The following RALGAPA2 variants were observed in gnomAD, a reference collection of about 807,000 sequenced individuals.
RALGAPA2 encodes the protein ral GTPase-activating protein subunit alpha-2.
RALGAPA2 carries 139 observed loss-of-function variants against 230.4 expected under a neutral mutation model. That is an observed-to-expected ratio of 0.60 (90% CI 0.53 to 0.69). The LOEUF is 0.69. Among genes scored for constraint, RALGAPA2 ranks in the 30% least tolerant of loss-of-function variants. The pLI is 0.00. For missense variants in RALGAPA2, 2,163 were observed against 2,276.0 expected (o/e 0.95, Z 1.01); for synonymous variants, 847 against 837.8 (o/e 1.01, Z -0.19).
intron 24 of RALGAPA2, among the ~76,000 whole-genome samples, chr20:20,538,445 G>A (rs1290863746): frequency 6.6e-6 from 1 of 152,200 alleles, no homozygotes; most frequent in Non-Finnish European, 1.5e-5. Flanking sequence ...CCCAAAGTAT[G>A]TTCCACTAGG....
chr20:20,632,192 T>A (rs1195444713), intron 9 of RALGAPA2, among the ~76,000 whole-genome samples: 2 of 151,876 alleles, frequency 1.3e-5, no homozygotes, highest in Non-Finnish European at 2.9e-5. Flanking sequence ...GCCCAGCTAA[T>A]TTTTTTGTAT....
At chr20:20,465,204 C>CTCTCA in intron 37 of RALGAPA2, among the ~76,000 whole-genome samples, 1 of 151,542 alleles carries the variant, frequency 6.6e-6, no homozygotes, top group South Asian at 2.1e-4. Context: ...CACACTCTCT[C>CTCTCA]ATACTAGGGG....
At chr20:20,435,702 G>T (rs1458696803) in intron 37 of RALGAPA2, among the ~76,000 whole-genome samples, 1 of 152,184 alleles carries the variant, frequency 6.6e-6, no homozygotes, top group Non-Finnish European at 1.5e-5. Flanking sequence ...AAGGAGGCAG[G>T]CTGATGCTGC....
At chr20:20,689,083 A>T (rs767836735) in intron 1 of RALGAPA2, among the ~76,000 whole-genome samples, 1 of 152,250 alleles carries the variant, frequency 6.6e-6, no homozygotes, top group South Asian at 2.1e-4. Flanking sequence ...ACCATCTATT[A>T]TATAAAAGTC....
chr20:20,505,145 T>C, intron 34 of RALGAPA2: 1 of 985,470 alleles, frequency 1.0e-6, no homozygotes, highest in Non-Finnish European at 1.2e-6. Context: ...ACTGTCTATG[T>C]CTGGGAGAGC....
chr20:20,639,699 T>C, intron 7 of RALGAPA2, 86 bp downstream of exon 7: 2 of 933,816 alleles, frequency 2.1e-6, no homozygotes, highest in South Asian at 3.0e-5. Flanking sequence ...AGGAAAAATA[T>C]AGATACACAG....
At chr20:20,505,328 T>G in intron 34 of RALGAPA2, 83 bp downstream of exon 34, 1 of 1,330,644 alleles carries the variant, frequency 7.5e-7, no homozygotes, top group Non-Finnish European at 9.8e-7. Flanking sequence ...CAAAAGCACA[T>G]GTAAAAACTT....
rs767056712 is a variant in RALGAPA2 at position 20,520,939 on chromosome 20, A to C, written c.4062T>G (p.Gly1354=). 1 of 1,611,562 alleles carries C rather than the reference A, an allele frequency of 6.2e-7. No homozygotes were observed. Among genetic ancestry groups the C allele is most frequent in the South Asian group, 1.1e-5 (1 of 90,910 alleles). The change falls in exon 31 of 40, where the codon GGT becomes GGG. Residue 1354 remains glycine, a synonymous_variant. Coordinates refer to ENST00000202677, the MANE Select transcript of RALGAPA2 (RefSeq NM_020343.4). Reference sequence around the variant, plus strand: ...CACCCTCTTCAACAGTCAGCAGGTTACCCAATTCTGCTGATGAATGATACT... The same window carrying C: ...CACCCTCTTCAACAGTCAGCAGGTTCCCCAATTCTGCTGATGAATGATACT... The part of the protein sequence containing the change: ...PVQYHSSAEL[G]NLLTVEEEKK...
At chr20:20,558,084 A>G (rs2064141180) in intron 23 of RALGAPA2, among the ~76,000 whole-genome samples, 1 of 152,060 alleles carries the variant, frequency 6.6e-6, no homozygotes, top group Non-Finnish European at 1.5e-5. Context: ...GGCTCACTGC[A>G]ACCTCCACCT....
chr20:20,471,464 A>C (rs2061538929), intron 37 of RALGAPA2: 1 of 136,022 alleles, frequency 7.4e-6, no homozygotes, highest in Non-Finnish European at 1.5e-5. Context: ...TACTTGACTG[A>C]TGCGTGCCCA....
chr20:20,645,884 G>A lies in RALGAPA2; in HGVS notation c.329-2335C>T, dbSNP rs79987497. On this transcript the variant is annotated intron_variant, in intron 4 of 39. Transcript: ENST00000202677. ...CATATAAATGCACAGAACAGTGCCG[G>A]GTATGTGGTAAGCACATTTTCCACA... 7.1e-3 allele frequency among the ~76,000 whole-genome samples: 1,074 copies of A among 152,050 alleles called. 13 individuals carry two copies. Among genetic ancestry groups the A allele is most frequent in the African/African-American group, 0.025 (1,018 of 41,466 alleles).
chr20:20,408,502 T>C (rs1018583231), intron 38 of RALGAPA2, among the ~76,000 whole-genome samples: 26 of 152,366 alleles, frequency 1.7e-4, no homozygotes, highest in African/African-American at 6.3e-4. Flanking sequence ...ACTATTTATA[T>C]CTTTTCTGAT....
At chr20:20,406,230 A>T (rs2059943078) in intron 38 of RALGAPA2, among the ~76,000 whole-genome samples, 1 of 152,056 alleles carries the variant, frequency 6.6e-6, no homozygotes, top group Admixed American at 6.6e-5. Flanking sequence ...ATCCGAATCT[A>T]GTGGAGGGAC....
chr20:20,558,102 T>A (rs1029098358), intron 23 of RALGAPA2, among the ~76,000 whole-genome samples: 3 of 152,172 alleles, frequency 2.0e-5, no homozygotes, highest in Non-Finnish European at 4.4e-5. Context: ...CCTCCTAGGT[T>A]CAAGCAATTC....
At chr20:20,686,134 G>A (rs16982076) in intron 1 of RALGAPA2, among the ~76,000 whole-genome samples, 1,691 of 152,306 alleles carry the variant, frequency 0.011, 30 homozygotes, top group African/African-American at 0.039. Flanking sequence ...CTAGCTGGAA[G>A]GCAACAGCAA....
intron 23 of RALGAPA2, among the ~76,000 whole-genome samples, chr20:20,548,125 C>G (rs1288118611): frequency 3.4e-5 from 5 of 148,004 alleles, no homozygotes; most frequent in Non-Finnish European, 3.0e-5. Context: ...AGCAAAATCT[C>G]CACACACACA....
intron 1 of RALGAPA2, among the ~76,000 whole-genome samples, chr20:20,686,812 G>T (rs2068717890): frequency 6.6e-6 from 1 of 152,094 alleles, no homozygotes; most frequent in Non-Finnish European, 1.5e-5. Flanking sequence ...ATTTGGAAGG[G>T]TCATAACACA....
chr20:20,468,161 T>A (rs534133120), intron 37 of RALGAPA2, among the ~76,000 whole-genome samples: 1 of 152,322 alleles, frequency 6.6e-6, no homozygotes, highest in African/African-American at 2.4e-5. Flanking sequence ...TGCCTCTTGT[T>A]TGCATCTCTC....
At chr20:20,673,581 A>G (rs1315615812) in intron 3 of RALGAPA2, among the ~76,000 whole-genome samples, 1 of 152,146 alleles carries the variant, frequency 6.6e-6, no homozygotes, top group African/African-American at 2.4e-5. Context: ...AATCAAGAAA[A>G]AAAAACCAGA....
Sources: allele counts gnomAD v4.1 joint callset (sites outside exome capture counted in the v4.1 genomes callset), GRCh38; gene constraint gnomAD v4.1.1; transcripts MANE v1.5; gene names NCBI Gene and HGNC (gene_info 2026-07-23, HGNC 2026-07-21).